The following EFTUD2 variants were observed in gnomAD, a reference collection of about 807,000 sequenced individuals.
EFTUD2 encodes elongation factor Tu GTP binding domain containing 2, also known as 116 kDa U5 small nuclear ribonucleoprotein component.
Under a neutral mutation model 114.3 loss-of-function variants are expected in EFTUD2, and 9 were observed. That is an observed-to-expected ratio of 0.08 (90% CI 0.05 to 0.14). The LOEUF (loss-of-function observed/expected upper bound fraction) is 0.14. Ranked by LOEUF, EFTUD2 falls within the 10% of genes least tolerant of loss-of-function variation. The pLI is 1.00. For synonymous variants in EFTUD2, 449 were observed against 462.3 expected (o/e 0.97, Z 0.37); for missense variants, 765 against 1,241.2 (o/e 0.62, Z 5.76).
chr17:44,866,142 T>A (rs2050742916), intron 13 of EFTUD2, among the ~76,000 whole-genome samples: 1 of 152,254 alleles, frequency 6.6e-6, no homozygotes, highest in Non-Finnish European at 1.5e-5. Flanking sequence ...GCATTCCACA[T>A]GCTTAATTAA....
Position 44,865,082 on chromosome 17 carries a change from C to T in EFTUD2, c.1150-17G>A. 1.9e-6 allele frequency: 3 copies of T among 1,613,996 alleles called. No individual in the cohort carries two copies. The South Asian group carries it at 3.3e-5, about 18-fold the overall frequency. On this transcript the variant is annotated splice_polypyrimidine_tract_variant and intron_variant, in intron 13 of 27. Transcript: ENST00000426333. ...ACCTACAACCTGTGAGGGTGTAAGA[C>T]ACCATGTCAGCTGTAGTGAGAGCCT...
intron 5 of EFTUD2, 117 bp downstream of exon 5, chr17:44,883,532 T>G: frequency 1.1e-6 from 1 of 951,890 alleles, no homozygotes. Context: ...GCAGCACCCC[T>G]AGTCAGGAGG....
Position 44,862,709 on chromosome 17 carries a change from G to A in EFTUD2, c.1607+4C>T. The stretch of plus-strand genomic sequence containing the variant: ...CATACTCCTGGGGCTCTGGTTGGCA[G>A]TACCTGGCCACAGAGATCCAAAGGC... On this transcript the variant is annotated splice_donor_region_variant and intron_variant, in intron 16 of 27. Coordinates refer to ENST00000426333, the MANE Select transcript of EFTUD2 (RefSeq NM_004247.4). 6.2e-7 allele frequency: 1 copy of A among 1,611,630 alleles called. No homozygotes were observed. The highest frequency in any genetic ancestry group is 1.3e-5 in the African/African-American group (1 of 75,020).
At chr17:44,873,441 G>A (rs763976935) in intron 10 of EFTUD2, among the ~76,000 whole-genome samples, 1 of 150,870 alleles carries the variant, frequency 6.6e-6, no homozygotes, top group Non-Finnish European at 1.5e-5. Flanking sequence ...CTGTAGCCTC[G>A]ATCTCTCAAG....
chr17:44,856,996 G>T, intron 20 of EFTUD2, 79 bp downstream of exon 20: 1 of 1,205,146 alleles, frequency 8.3e-7, no homozygotes, highest in Non-Finnish European at 1.2e-6. Context: ...AGTGCTCATG[G>T]TGGGGGTAGA....
At position 44,862,782 on chromosome 17, in the gene EFTUD2, T is replaced by C. The variant is rs1208426589; in HGVS notation, c.1538A>G (p.Asn513Ser). Reference sequence around the variant, plus strand: ...GTCTTCCTCATCCTCCAGGGTGTAGTTCTCCCCCAGTACCTTCACAGGCTG... The same window carrying C: ...GTCTTCCTCATCCTCCAGGGTGTAGCTCTCCCCCAGTACCTTCACAGGCTG... ...AGQPVKVLGE[N>S]YTLEDEEDSQ... is the part of the protein sequence containing the mutation. Residue 513 changes from asparagine (N) to serine (S), a missense_variant, in exon 16 of 28, where the codon AAC becomes AGC. Around this residue, in one of 6 missense-constraint regions of EFTUD2, gnomAD observed 149 missense variants for 245.1 expected, o/e 0.61. Coordinates refer to ENST00000426333, the MANE Select transcript of EFTUD2 (RefSeq NM_004247.4). 3.7e-6 allele frequency: 6 copies of C among 1,613,486 alleles called. No individual in the cohort carries two copies. Among genetic ancestry groups the C allele is most frequent in the Non-Finnish European group, 1.7e-6 (2 of 1,179,862 alleles).
At chr17:44,856,698 C>G (rs1196973120) in intron 20 of EFTUD2, among the ~76,000 whole-genome samples, 2 of 151,268 alleles carry the variant, frequency 1.3e-5, no homozygotes, top group Non-Finnish European at 2.9e-5. Context: ...TGCCCATAGT[C>G]CTAGCTGCTT....
At chr17:44,899,305 C>T (rs1240057718) in intron 1 of EFTUD2, 64 bp downstream of exon 1, 3 of 152,274 alleles carry the variant, frequency 2.0e-5, no homozygotes, top group African/African-American at 7.2e-5. Flanking sequence ...CCAGATCTGA[C>T]GCTTTTTAAT....
Position 44,863,706 on chromosome 17 carries a change from G to A in EFTUD2, c.1362C>T (p.Thr454=), listed in dbSNP as rs749284525. Reference sequence around the variant, plus strand: ...CGCCGAGGTCGGAGTCCACACCACCGGTGTAGGTGTGCTCAATCTTGGGCT... The same window carrying A: ...CGCCGAGGTCGGAGTCCACACCACCAGTGTAGGTGTGCTCAATCTTGGGCT... The part of the protein sequence containing the change: ...GAKPKIEHTY[T]GGVDSDLGEA... Residue 454 remains threonine (T), a synonymous_variant, in exon 15 of 28, where the codon ACC becomes ACT. Coordinates refer to ENST00000426333, the MANE Select transcript of EFTUD2 (RefSeq NM_004247.4). 22 of 1,614,040 alleles carry A rather than the reference G, an allele frequency of 1.4e-5. No individual in the cohort carries two copies. Among genetic ancestry groups the A allele is most frequent in the East Asian group, 6.7e-5 (3 of 44,900 alleles).
Position 44,852,158 on chromosome 17 carries a change from C to T in EFTUD2, c.2715+251G>A, listed in dbSNP as rs564674940. ...TCTCGAACTCCTGACCTCAGGTGAC[C>T]TGCCCGCCTCAGCCTCCCAAAGTGC... On this transcript the variant is annotated intron_variant, in intron 26 of 27. Transcript: ENST00000426333. 2.6e-5 allele frequency among the ~76,000 whole-genome samples: 4 copies of T among 151,776 alleles called. No homozygotes were observed. In the South Asian group the frequency reaches 8.4e-4, roughly 32 times the overall value.
intron 20 of EFTUD2, among the ~76,000 whole-genome samples, chr17:44,855,288 C>T (rs561382297): frequency 3.8e-4 from 58 of 152,158 alleles, no homozygotes; most frequent in African/African-American, 1.3e-3. Flanking sequence ...AACAGCCAGG[C>T]GCGGTGGCTC....
At chr17:44,867,107 TA>T (rs2050759731) in intron 13 of EFTUD2, among the ~76,000 whole-genome samples, 1 of 152,236 alleles carries the variant, frequency 6.6e-6, no homozygotes, top group South Asian at 2.1e-4. Flanking sequence ...ACCCTATCTC[TA>T]AAAATGCTAT....
intron 12 of EFTUD2, 96 bp downstream of exon 12, chr17:44,868,189 AGT>A (rs1175388177): frequency 2.3e-5 from 26 of 1,111,810 alleles, no homozygotes; most frequent in Non-Finnish European, 3.3e-5. Flanking sequence ...AAAAAAAAAA[AGT>A]AGGTATTTAA....
intron 5 of EFTUD2, 92 bp from the exon 6 acceptor site, chr17:44,883,250 G>A: frequency 2.5e-6 from 3 of 1,183,942 alleles, no homozygotes; most frequent in Admixed American, 2.0e-5. Context: ...ATAATTTAGG[G>A]ATAAGGAGAG....
chr17:44,885,955 G>A (rs1387285546), intron 3 of EFTUD2, among the ~76,000 whole-genome samples: 3 of 151,978 alleles, frequency 2.0e-5, no homozygotes, highest in African/African-American at 7.2e-5. Flanking sequence ...TGGACAATAA[G>A]GCTGGTTGCA....
chr17:44,863,925 G>T, intron 14 of EFTUD2, 143 bp from the exon 15 acceptor site: 1 of 1,086,982 alleles, frequency 9.2e-7, no homozygotes, highest in Non-Finnish European at 1.3e-6. Flanking sequence ...TATAGATAGT[G>T]ATAGCCTGCT....
chr17:44,866,605 C>T (rs1467881213), intron 13 of EFTUD2, among the ~76,000 whole-genome samples: 1 of 152,054 alleles, frequency 6.6e-6, no homozygotes, highest in Non-Finnish European at 1.5e-5. Context: ...TCTTGAACTC[C>T]TGGACTCAAG....
intron 14 of EFTUD2, 105 bp downstream of exon 14, chr17:44,864,825 A>T: frequency 6.6e-7 from 1 of 1,510,666 alleles, no homozygotes; most frequent in Non-Finnish European, 9.0e-7. Flanking sequence ...TGTTGAAAAG[A>T]TCCTCAGATT....
At chr17:44,853,452 C>T in intron 24 of EFTUD2, 62 bp from the exon 25 acceptor site, 1 of 1,612,258 alleles carries the variant, frequency 6.2e-7, no homozygotes, top group Non-Finnish European at 8.5e-7. Context: ...TATAGTCCCA[C>T]TTGCTCCTTC....
Sources: gnomAD v4.1 joint callset for allele counts (sites outside exome capture counted in the v4.1 genomes callset) on GRCh38, gnomAD v4.1.1 for gene constraint, gnomAD v4.1.1 regional missense constraint, MANE v1.5 for transcripts, NCBI Gene and HGNC (gene_info 2026-07-23, HGNC 2026-07-21) for gene names.